WDR18: variants seen among roughly 807,000 people sequenced by gnomAD.
The protein encoded by WDR18 is WD repeat domain 18.
In WDR18, 33 loss-of-function variants were observed where a neutral mutation model predicts 49.6. That is an observed-to-expected ratio of 0.67 (90% CI 0.50 to 0.89). WDR18 has a LOEUF of 0.89. Ranked by LOEUF, WDR18 falls within the 40% of genes least tolerant of loss-of-function variation. The probability of loss-of-function intolerance (pLI) is 0.00; values close to 1 mark genes in which losing one functional copy is unlikely to be tolerated. For synonymous variants in WDR18, 315 were observed against 263.6 expected (o/e 1.19, Z -1.89); for missense variants, 653 against 593.6 (o/e 1.10, Z -1.04).
Position 994,067 on chromosome 19 carries a change from C to T in WDR18, c.1146C>T (p.Val382=). The T allele has an allele frequency of 6.4e-7, 1 of 1,560,656 alleles. No homozygotes were observed. The highest frequency in any genetic ancestry group is 1.7e-4 in the Middle Eastern group (1 of 5,958). ...YLDRTEQLQA[V]LCSTMEKSVL... The stretch of plus-strand genomic sequence containing the variant: ...ACCGCACGGAGCAGCTGCAGGCCGT[C>T]CTGTGCAGCACCATGGAGAAGGTGG... The change falls in exon 9 of 10, where the codon GTC becomes GTT. Residue 382 remains valine (V), a synonymous_variant. Transcript: ENST00000585809.
intron 2 of WDR18, among the ~76,000 whole-genome samples, chr19:987,829 G>GTTTTTTTTTTTTTTTTTTTTTTTTTTTT (rs71174337): frequency 2.2e-5 from 2 of 91,804 alleles, no homozygotes; most frequent in African/African-American, 1.1e-4. Context: ...GCCGCCTCCA[G>GTTTTTTTTTTTTTTTTTTTTTTTTTTTT]TTTTTTTTTT....
chr19:994,538 A>C lies in WDR18; in HGVS notation c.*194A>C. ...TCACAGTGGTGCTAGTCTGTTTTTA[A>C]CAAAAGAGGATGAAAAGCCCCTCCT... is the stretch of plus-strand genomic sequence containing the variant. On this transcript the variant is annotated 3_prime_UTR_variant, in exon 10 of 10. Transcript: ENST00000585809. 1 of 800,168 alleles carries C rather than the reference A, an allele frequency of 1.2e-6. No individual in the cohort carries two copies. Among genetic ancestry groups the C allele is most frequent in the African/African-American group, 1.7e-5 (1 of 57,332 alleles). 49.6% of individuals were successfully genotyped at this position (800,168 alleles called of 1,614,324 possible). A position where few individuals can be genotyped will look rare whatever the true frequency, so the allele number is the denominator to read the frequency against.
rs536911461 is a variant in WDR18 at position 993,876 on chromosome 19, G to C, written c.1099-144G>C. The C allele has an allele frequency of 6.2e-4, 551 of 891,356 alleles. 2 individuals are homozygous for C. The highest frequency in any genetic ancestry group is 1.0e-3 in the Admixed American group (44 of 42,712). The allele number at this position is 891,356 out of a possible 1,614,324, so 55.2% of individuals were successfully genotyped here. On this transcript the variant is annotated intron_variant, in intron 8 of 9. Coordinates refer to ENST00000585809, the MANE Select transcript of WDR18 (RefSeq NM_024100.4). ...AGGCTCGACGGAGGTGAACGCCCCC[G>C]TCTCAGTCTTCCCTTCTGTCTGTGG...
In WDR18 at chr19:994,026, G is replaced by C; in HGVS notation, c.1105G>C (p.Glu369Gln). Residue 369 changes from glutamate (E) to glutamine (Q), a missense_variant, in exon 9 of 10, where the codon GAG becomes CAG. Coordinates refer to ENST00000585809, the MANE Select transcript of WDR18 (RefSeq NM_024100.4). Reference protein sequence around the residue: ...LRLGLHQQGSEPSYLDRTEQL... With the variant: ...LRLGLHQQGSQPSYLDRTEQL... The stretch of plus-strand genomic sequence containing the variant: ...GTGGCTCCCTGTGTTACAGGGCTCG[G>C]AGCCCAGCTACCTGGACCGCACGGA... 2 of 1,555,150 alleles carry C rather than the reference G, an allele frequency of 1.3e-6. No individual in the cohort carries two copies. The highest frequency in any genetic ancestry group is 1.7e-6 in the Non-Finnish European group (2 of 1,150,272).
rs368906528 is a variant in WDR18 at position 991,170 on chromosome 19, G to A, written c.806+25G>A. On this transcript the variant is annotated intron_variant, in intron 6 of 9. Transcript: ENST00000585809. Reference sequence around the variant, plus strand: ...GGTGGGGACGTGGGAACGGGGCGGGGGCTCCCAGGCACGTCCTGTCTGGCA... The same window carrying A: ...GGTGGGGACGTGGGAACGGGGCGGGAGCTCCCAGGCACGTCCTGTCTGGCA... The A allele has an allele frequency of 3.1e-4, 486 of 1,545,150 alleles. 1 individual carries two copies. The highest frequency in any genetic ancestry group is 9.7e-5 in the Admixed American group (5 of 51,722).
Position 989,442 on chromosome 19 carries a change from G to A in WDR18, c.322-320G>A, listed in dbSNP as rs116212305. On this transcript the variant is annotated intron_variant, in intron 2 of 9. Transcript: ENST00000585809. The stretch of plus-strand genomic sequence containing the variant: ...CGTTCCTACGGGGCCCACACAGGAC[G>A]CCTGGGGTCAGGCTCACAGGGGACC... 1.6e-3 allele frequency among the ~76,000 whole-genome samples: 250 copies of A among 152,294 alleles called. 3 individuals carry two copies. Among genetic ancestry groups the A allele is most frequent in the African/African-American group, 5.5e-3 (229 of 41,578 alleles).
chr19:991,083 C>G lies in WDR18; in HGVS notation c.744C>G (p.Pro248=), dbSNP rs771858007. 2 of 1,603,374 alleles carry G rather than the reference C, an allele frequency of 1.2e-6. No individual in the cohort carries two copies. The highest frequency in any genetic ancestry group is 1.7e-6 in the Non-Finnish European group (2 of 1,175,438). ...SIFQVDLFTW[P]GQRERSFHPE... ...CACACACGTCTCGGCCTTCGCAGCC[C>G]GGACAGAGGGAGAGGAGCTTCCACC... The change falls in exon 6 of 10, where the codon CCC becomes CCG. Residue 248 remains proline, a splice_region_variant and synonymous_variant. Transcript: ENST00000585809.
chr19:992,457 G>A (rs2038572577), intron 8 of WDR18, among the ~76,000 whole-genome samples: 1 of 152,262 alleles, frequency 6.6e-6, no homozygotes, highest in African/African-American at 2.4e-5. Flanking sequence ...CGGGCTGTGA[G>A]AGCCAAAAGG....
Position 984,532 on chromosome 19 carries a change from A to G in WDR18, c.179A>G (p.Asn60Ser), listed in dbSNP as rs1228703101. 9.1e-6 allele frequency: 14 copies of G among 1,531,866 alleles called. No homozygotes were observed. Among genetic ancestry groups the G allele is most frequent in the Non-Finnish European group, 1.2e-5 (14 of 1,139,288 alleles). The allele number at this position is 1,531,866 out of a possible 1,614,324, so 94.9% of individuals were successfully genotyped here. A position where few individuals can be genotyped will look rare whatever the true frequency, so the allele number is the denominator to read the frequency against. Residue 60 changes from asparagine (N) to serine (S), a missense_variant, in exon 1 of 10, where the codon AAT (asparagine) becomes AGT (serine). By Grantham distance (46) the Asn-to-Ser change is conservative. Transcript: ENST00000585809. ...CTGCTGGCGGCGCAGCTGGGCAAGA[A>G]TTACATCAGCGCCTGGGAGCTCCAG... ...EYLLAAQLGK[N>S]YISAWELQRK...
rs759366768 is a variant in WDR18, at chr19:990,216, C to T, written c.456-7C>T. 1.4e-5 allele frequency: 22 copies of T among 1,595,102 alleles called. No homozygotes were observed. Among genetic ancestry groups the T allele is most frequent in the Non-Finnish European group, 1.5e-5 (18 of 1,177,770 alleles). On this transcript the variant is annotated splice_polypyrimidine_tract_variant and splice_region_variant and intron_variant, in intron 3 of 9. Transcript: ENST00000585809. ...CGCCTGCTGAGCACCTGCCCCACCCCGCTCAGCGTGCTGCAGGCCGACCCC... is the reference window on the plus strand; with the variant it reads ...CGCCTGCTGAGCACCTGCCCCACCCTGCTCAGCGTGCTGCAGGCCGACCCC...
chr19:990,130 A>C, intron 3 of WDR18, 93 bp from the exon 4 acceptor site: 1 of 1,440,984 alleles, frequency 6.9e-7, no homozygotes. Context: ...TGCTGAGTGG[A>C]GGCAGGTGTG....
At chr19:988,396 C>T (rs766208370) in intron 2 of WDR18, among the ~76,000 whole-genome samples, 26 of 152,190 alleles carry the variant, frequency 1.7e-4, no homozygotes, top group Admixed American at 7.2e-4. Flanking sequence ...TGAAGCTGCC[C>T]GGTCTGTCCC....
chr19:993,421 C>T (rs1389836773), intron 8 of WDR18, among the ~76,000 whole-genome samples: 1 of 152,240 alleles, frequency 6.6e-6, no homozygotes, highest in East Asian at 1.9e-4. Flanking sequence ...CACCTGGCTC[C>T]CTTCCTCCCG....
At chr19:989,205 G>T (rs1224277418) in intron 2 of WDR18, among the ~76,000 whole-genome samples, 1 of 144,680 alleles carries the variant, frequency 6.9e-6, no homozygotes, top group Admixed American at 7.1e-5. Context: ...CCCCCCCAGA[G>T]CATCTCAGCC....
chr19:983,256 A>AC (rs79808764), upstream of WDR18, among the ~76,000 whole-genome samples: 5,580 of 151,884 alleles, frequency 0.037, 258 homozygotes, highest in East Asian at 0.11. Context: ...ACACAGTGAG[A>AC]CCCCCCATCT....
chr19:983,832 G>A (rs919916340), upstream of WDR18, among the ~76,000 whole-genome samples: 1 of 151,830 alleles, frequency 6.6e-6, no homozygotes, highest in Non-Finnish European at 1.5e-5. Flanking sequence ...TTGAGCTCAG[G>A]AGTTCGAGGC....
chr19:992,693 C>T (rs2038575972), intron 8 of WDR18, among the ~76,000 whole-genome samples: 1 of 152,194 alleles, frequency 6.6e-6, no homozygotes, highest in Non-Finnish European at 1.5e-5. Flanking sequence ...CACTTCCCAC[C>T]CCAGCCCCAA....
In WDR18 at chr19:991,161, C is replaced by G. The variant is rs1452054461; in HGVS notation, c.806+16C>G. 9.6e-6 allele frequency: 15 copies of G among 1,560,166 alleles called. No individual in the cohort carries two copies. Among genetic ancestry groups the G allele is most frequent in the Non-Finnish European group, 1.3e-5 (15 of 1,152,182 alleles). ...AAGGGCACAGGTGGGGACGTGGGAA[C>G]GGGGCGGGGGCTCCCAGGCACGTCC... On this transcript the variant is annotated intron_variant, in intron 6 of 9. Coordinates refer to ENST00000585809, the MANE Select transcript of WDR18 (RefSeq NM_024100.4).
chr19:984,333 C>T, upstream of WDR18: 2 of 1,574,052 alleles, frequency 1.3e-6, no homozygotes, highest in Non-Finnish European at 1.7e-6. Flanking sequence ...GACGCACGTC[C>T]GGGGCGGTGG....
Sources: allele counts gnomAD v4.1 joint callset (sites outside exome capture counted in the v4.1 genomes callset), GRCh38; gene constraint gnomAD v4.1.1; transcripts MANE v1.5; gene names NCBI Gene and HGNC (gene_info 2026-07-23, HGNC 2026-07-21).